The following KDM4C variants were observed in gnomAD, a reference collection of about 807,000 sequenced individuals.
KDM4C encodes lysine demethylase 4C, also known as lysine-specific demethylase 4C.
A neutral mutation model predicts 129.3 loss-of-function variants in KDM4C; 81 were observed. That is an observed-to-expected ratio of 0.63 (90% CI 0.52 to 0.75). The LOEUF (loss-of-function observed/expected upper bound fraction) is 0.75, where lower values mean the gene tolerates loss of function less well. Among genes scored for constraint, KDM4C ranks in the 30% least tolerant of loss-of-function variants. The probability of loss-of-function intolerance (pLI) is 0.00; values close to 1 mark genes in which losing one functional copy is unlikely to be tolerated. For missense variants in KDM4C, 1,457 were observed against 1,304.0 expected, an observed-to-expected ratio of 1.12 and a Z score of -1.81; for synonymous variants, 573 against 456.1, an observed-to-expected ratio of 1.26 and a Z score of -3.26.
chr9:7,056,162 T>C (rs373982394), intron 17 of KDM4C, among the ~76,000 whole-genome samples: 2 of 152,308 alleles, frequency 1.3e-5, no homozygotes, highest in East Asian at 3.9e-4. Context: ...GTGCTTTGAA[T>C]AGTGAACTAT....
intron 1 of KDM4C, among the ~76,000 whole-genome samples, chr9:6,747,415 G>T (rs897787074): frequency 6.6e-6 from 1 of 151,746 alleles, no homozygotes; most frequent in Non-Finnish European, 1.5e-5. Flanking sequence ...GGGCGTGGTG[G>T]TGGGCGCCTG....
At chr9:6,845,723 G>C (rs1161017842) in intron 4 of KDM4C, among the ~76,000 whole-genome samples, 1 of 152,332 alleles carries the variant, frequency 6.6e-6, no homozygotes, top group East Asian at 1.9e-4. Context: ...AAAGGAGAAA[G>C]GGGCCGGGGC....
intron 18 of KDM4C, among the ~76,000 whole-genome samples, chr9:7,110,791 A>G (rs1838235094): frequency 7.9e-5 from 12 of 152,220 alleles, no homozygotes; most frequent in Admixed American, 7.8e-4. Flanking sequence ...AGATTTTTAA[A>G]CCGACCTGAA....
intron 8 of KDM4C, among the ~76,000 whole-genome samples, chr9:6,894,956 C>G (rs751579110): frequency 3.3e-5 from 5 of 152,196 alleles, no homozygotes; most frequent in Non-Finnish European, 7.3e-5. Context: ...ATGTGACTAT[C>G]TGTTTATTCA....
At chr9:6,941,531 A>G (rs1381956610) in intron 8 of KDM4C, 1 of 152,216 alleles carries the variant, frequency 6.6e-6, no homozygotes, top group African/African-American at 2.4e-5. Context: ...AAAAAAAACC[A>G]TATTACATTT....
At chr9:6,877,689 T>TG (rs1401280661) in intron 5 of KDM4C, among the ~76,000 whole-genome samples, 3 of 152,120 alleles carry the variant, frequency 2.0e-5, no homozygotes, top group Non-Finnish European at 4.4e-5. Context: ...GACTGCTGAG[T>TG]GGGGTAGTGC....
At chr9:6,954,278 G>C (rs1158121024) in intron 8 of KDM4C, among the ~76,000 whole-genome samples, 1 of 152,122 alleles carries the variant, frequency 6.6e-6, no homozygotes, top group East Asian at 1.9e-4. Context: ...TGGAATGTCT[G>C]CTTAGTACTC....
At chr9:7,142,173 G>A (rs73639823) in intron 19 of KDM4C, among the ~76,000 whole-genome samples, 1,730 of 152,242 alleles carry the variant, frequency 0.011, 20 homozygotes, top group African/African-American at 0.026. Flanking sequence ...TGATTCTAAC[G>A]TCTCTTAATC....
upstream of KDM4C, among the ~76,000 whole-genome samples, chr9:6,755,041 C>G (rs997740132): frequency 1.3e-5 from 2 of 151,374 alleles, no homozygotes; most frequent in Non-Finnish European, 2.9e-5. Context: ...AGTTTGAGAC[C>G]CGCCTGGCCA....
chr9:6,760,111 T>G (rs1819120631), intron 1 of KDM4C, among the ~76,000 whole-genome samples: 1 of 152,056 alleles, frequency 6.6e-6, no homozygotes, highest in Non-Finnish European at 1.5e-5. Flanking sequence ...TTCCCTCCAA[T>G]TCTATCCCCT....
rs180940746 is a variant in KDM4C, at chr9:6,799,261, C to G, written c.144+6129C>G. Among the ~76,000 whole-genome samples, 4 of 152,324 alleles carry G rather than the reference C, an allele frequency of 2.6e-5. No individual in the cohort carries two copies. In the East Asian group the frequency reaches 7.7e-4, roughly 29 times the overall value. The stretch of plus-strand genomic sequence containing the variant: ...CGACGCGAGATCACGCCACTGCACT[C>G]CAGCCTGGGCACCATTGAGCACTGA... On this transcript the variant is annotated intron_variant, in intron 2 of 21. Coordinates refer to ENST00000381309, the MANE Select transcript of KDM4C (RefSeq NM_015061.6).
At chr9:6,865,042 T>C (rs1340556459) in intron 5 of KDM4C, among the ~76,000 whole-genome samples, 6 of 149,228 alleles carry the variant, frequency 4.0e-5, no homozygotes, top group Non-Finnish European at 8.9e-5. Flanking sequence ...AGAGTCTTGC[T>C]CTATTGCCCA....
At chr9:6,757,835 G>A (rs760533517), upstream of KDM4C, 11 of 985,458 alleles carry the variant, frequency 1.1e-5, no homozygotes, top group Non-Finnish European at 1.3e-5. Flanking sequence ...GCGCCAGCAA[G>A]CCTAAGTTAA....
chr9:7,078,974 C>G (rs1834226911), intron 17 of KDM4C, among the ~76,000 whole-genome samples: 1 of 152,206 alleles, frequency 6.6e-6, no homozygotes. Context: ...GGGCTGATCA[C>G]ATAGGCACCC....
rs761316614 is a variant in KDM4C, at chr9:6,984,235, C to A, written c.1185C>A (p.Val395=). 5 of 1,613,914 alleles carry A rather than the reference C, an allele frequency of 3.1e-6. No homozygotes were observed. In the South Asian group the frequency reaches 4.4e-5, roughly 14 times the overall value. Residue 395 remains valine, a synonymous_variant, in exon 10 of 22, where the codon GTC becomes GTA. Transcript: ENST00000381309. ...AGGAAGAGGAAGTGTCAGATGAAGT[C>A]GATGGGGCAGAGGTCCCTAACCCCG... ...ADEEEEVSDE[V]DGAEVPNPDS... is the part of the protein sequence containing the mutation.
intron 18 of KDM4C, among the ~76,000 whole-genome samples, chr9:7,112,321 G>T (rs1055339055): frequency 2.0e-5 from 3 of 152,080 alleles, no homozygotes; most frequent in Admixed American, 6.6e-5. Flanking sequence ...GTATTAGGAA[G>T]CTCAATCTTG....
chr9:6,762,335 T>G (rs1819722121), intron 1 of KDM4C, among the ~76,000 whole-genome samples: 2 of 151,518 alleles, frequency 1.3e-5, no homozygotes, highest in African/African-American at 4.9e-5. Flanking sequence ...TCTTTTTCAG[T>G]TAAAAAAATT....
At chr9:6,761,662 G>A (rs891175040) in intron 1 of KDM4C, among the ~76,000 whole-genome samples, 2 of 152,118 alleles carry the variant, frequency 1.3e-5, no homozygotes, top group Admixed American at 6.6e-5. Flanking sequence ...ACTGCTCATG[G>A]TTATTCCCTT....
chr9:6,880,173 A>T (rs555464643), intron 6 of KDM4C, 112 bp downstream of exon 6: 1 of 532,036 alleles, frequency 1.9e-6, no homozygotes, highest in Non-Finnish European at 3.3e-6. Flanking sequence ...TGTTGGTTTT[A>T]TTCTATTCAA....
Sources: allele counts gnomAD v4.1 joint callset (sites outside exome capture counted in the v4.1 genomes callset), GRCh38; gene constraint gnomAD v4.1.1; transcripts MANE v1.5; gene names NCBI Gene and HGNC (gene_info 2026-07-23, HGNC 2026-07-21).